COL11A1: variants seen among roughly 807,000 people sequenced by gnomAD.
COL11A1 encodes collagen alpha-1(XI) chain.
A neutral mutation model predicts 265.2 loss-of-function variants in COL11A1; 74 were observed. That is an observed-to-expected ratio of 0.28 (90% CI 0.23 to 0.34). COL11A1 has a LOEUF of 0.34. Among genes scored for constraint, COL11A1 ranks in the 10% least tolerant of loss-of-function variants. COL11A1 has a pLI of 1.00. For synonymous variants in COL11A1, 816 were observed against 727.6 expected (o/e 1.12, Z -1.96); for missense variants, 2,165 against 2,263.6 (o/e 0.96, Z 0.88).
chr1:102,879,924 T>C lies in COL11A1; in HGVS notation c.5041-8A>G, dbSNP rs559670725. 2.5e-6 allele frequency: 4 copies of C among 1,573,040 alleles called. No individual in the cohort carries two copies. The African/African-American group carries it at 5.4e-5, about 21-fold the overall frequency. On this transcript the variant is annotated splice_region_variant and splice_polypyrimidine_tract_variant and intron_variant, in intron 65 of 66. Transcript: ENST00000370096. Reference sequence around the variant, plus strand: ...AACATCTAAGTATGAAAGCTAGGAATAAAGGAATAAAAAGACACCTAATGA... The same window carrying C: ...AACATCTAAGTATGAAAGCTAGGAACAAAGGAATAAAAAGACACCTAATGA...
At chr1:102,993,021 A>C (rs2101773347) in intron 28 of COL11A1, among the ~76,000 whole-genome samples, 1 of 151,980 alleles carries the variant, frequency 6.6e-6, no homozygotes, top group East Asian at 1.9e-4. Flanking sequence ...GTCATTTATA[A>C]TTTTATTTGC....
At chr1:103,065,904 G>A (rs1306873004) in intron 4 of COL11A1, among the ~76,000 whole-genome samples, 3 of 151,958 alleles carry the variant, frequency 2.0e-5, no homozygotes, top group Non-Finnish European at 4.4e-5. Flanking sequence ...AATCTTAATA[G>A]CAGCTAAAGT....
chr1:102,877,682 A>T lies in COL11A1; in HGVS notation c.*337T>A. ...CACTGTTTTAGTACATCCTGGATGG[A>T]TGAGAATGAGCACCATATTTTTTAT... On this transcript the variant is annotated 3_prime_UTR_variant, in exon 67 of 67. Transcript: ENST00000370096. The T allele has an allele frequency of 3.7e-6, 1 of 271,208 alleles. No homozygotes were observed. Among genetic ancestry groups the T allele is most frequent in the Non-Finnish European group, 7.2e-6 (1 of 138,908 alleles). 16.8% of individuals were successfully genotyped at this position (271,208 alleles called of 1,614,324 possible).
intron 5 of COL11A1, among the ~76,000 whole-genome samples, chr1:103,027,827 G>T (rs1034943189): frequency 1.3e-5 from 2 of 152,070 alleles, no homozygotes; most frequent in African/African-American, 4.8e-5. Flanking sequence ...GATATATACA[G>T]ACCTGTACCA....
At chr1:103,028,798 A>G (rs1170930614) in intron 5 of COL11A1, among the ~76,000 whole-genome samples, 1 of 152,116 alleles carries the variant, frequency 6.6e-6, no homozygotes, top group East Asian at 1.9e-4. Flanking sequence ...TTGTTTTGTA[A>G]ATTCCTTTAT....
intron 7 of COL11A1, among the ~76,000 whole-genome samples, chr1:103,024,601 T>A (rs1273754985): frequency 6.6e-6 from 1 of 151,818 alleles, no homozygotes; most frequent in Non-Finnish European, 1.5e-5. Context: ...TAATCATAGC[T>A]CTGAACTAAA....
At position 102,934,569 on chromosome 1, in the gene COL11A1, A is replaced by G. The variant is rs1206807133; in HGVS notation, c.3493-13T>C. On this transcript the variant is annotated splice_polypyrimidine_tract_variant and intron_variant, in intron 45 of 66. Coordinates refer to ENST00000370096, the MANE Select transcript of COL11A1 (RefSeq NM_001854.4). Reference sequence around the variant, plus strand: ...CACCATCACCTCCCTAGAGAAGAGAAAGAAACATTATCACAAACTGGAAAA... The same window carrying G: ...CACCATCACCTCCCTAGAGAAGAGAGAGAAACATTATCACAAACTGGAAAA... 1 of 1,589,814 alleles carries G rather than the reference A, an allele frequency of 6.3e-7. No homozygotes were observed. Among genetic ancestry groups the G allele is most frequent in the South Asian group, 1.1e-5 (1 of 90,606 alleles).
At chr1:102,889,191 T>C (rs1038216252) in intron 59 of COL11A1, among the ~76,000 whole-genome samples, 4 of 152,164 alleles carry the variant, frequency 2.6e-5, no homozygotes, top group African/African-American at 9.6e-5. Flanking sequence ...CCTCAGAATA[T>C]GATTTACAGG....
At chr1:102,882,513 T>G (rs1650390577) in intron 64 of COL11A1, among the ~76,000 whole-genome samples, 1 of 152,140 alleles carries the variant, frequency 6.6e-6, no homozygotes, top group Non-Finnish European at 1.5e-5. Flanking sequence ...CCAAAACCAT[T>G]AGTCACACAT....
intron 15 of COL11A1, 98 bp downstream of exon 15, chr1:103,008,365 G>T: frequency 1.0e-6 from 1 of 982,010 alleles, no homozygotes. Flanking sequence ...ATACTACTCA[G>T]GAACAAAAAA....
chr1:103,071,751 G>A (rs1174002453), intron 4 of COL11A1, among the ~76,000 whole-genome samples: 1 of 150,912 alleles, frequency 6.6e-6, no homozygotes, highest in Non-Finnish European at 1.5e-5. Flanking sequence ...CATATCAAAA[G>A]TTGAAATGTC....
intron 37 of COL11A1, among the ~76,000 whole-genome samples, chr1:102,966,698 T>TACCTACAC (rs1445563222): frequency 1.3e-3 from 25 of 19,482 alleles, no homozygotes; most frequent in Admixed American, 6.7e-3. Flanking sequence ...TTGTCAGATT[T>TACCTACAC]ACATACACAC....
chr1:102,930,627 C>G (rs988663024), intron 46 of COL11A1, among the ~76,000 whole-genome samples: 13 of 152,094 alleles, frequency 8.5e-5, no homozygotes, highest in Non-Finnish European at 1.3e-4. Flanking sequence ...AGGGAGGATT[C>G]CCTCTTTTTC....
intron 48 of COL11A1, 114 bp from the exon 49 acceptor site, chr1:102,920,478 T>G: frequency 1.1e-6 from 1 of 880,384 alleles, no homozygotes; most frequent in Non-Finnish European, 1.9e-6. Context: ...GTATTCTTAG[T>G]CATTTAAAGA....
chr1:103,001,968 C>A lies in COL11A1; in HGVS notation c.2099G>T (p.Gly700Val), dbSNP rs776884377. The change falls in exon 24 of 67, where the codon GGT (glycine) becomes GTT (valine). Residue 700 changes from glycine (G) to valine (V), a missense_variant and splice_region_variant. Gly to Val is a moderately radical substitution (Grantham distance 109). Coordinates refer to ENST00000370096, the MANE Select transcript of COL11A1 (RefSeq NM_001854.4). ...PGQQGNPGPQGLPGPQGPIGP... is the reference protein window; with the variant it reads ...PGQQGNPGPQVLPGPQGPIGP... ...AATTGGACCTTGTGGACCAGGAAGACCCTATTTTAAAAGAATTTATTTCAT... is the reference window on the plus strand; with the variant it reads ...AATTGGACCTTGTGGACCAGGAAGAACCTATTTTAAAAGAATTTATTTCAT... 6.2e-7 allele frequency: 1 copy of A among 1,612,426 alleles called. No homozygotes were observed. Among genetic ancestry groups the A allele is most frequent in the Non-Finnish European group, 8.5e-7 (1 of 1,178,648 alleles).
chr1:102,937,038 A>G lies in COL11A1; in HGVS notation c.3439-1925T>C, dbSNP rs551352969. 4.6e-5 allele frequency among the ~76,000 whole-genome samples: 7 copies of G among 152,282 alleles called. No homozygotes were observed. In the South Asian group the frequency reaches 1.2e-3, roughly 27 times the overall value. ...TAAGCTAGACAAAACAAATGTAACA[A>G]TGGTACTCTTGGGACTATATATTTT... On this transcript the variant is annotated intron_variant, in intron 44 of 66. Transcript: ENST00000370096.
chr1:102,896,794 G>A (rs145429562), intron 57 of COL11A1, among the ~76,000 whole-genome samples: 189 of 152,234 alleles, frequency 1.2e-3, no homozygotes, highest in African/African-American at 4.3e-3. Flanking sequence ...TCTGCAGAAA[G>A]GTCAAAATAT....
intron 4 of COL11A1, among the ~76,000 whole-genome samples, chr1:103,068,565 T>C (rs896363417): frequency 1.3e-5 from 2 of 151,532 alleles, no homozygotes; most frequent in Non-Finnish European, 3.0e-5. Context: ...TTACACAAGA[T>C]ATATTCAATA....
chr1:102,890,535 C>T (rs1386501695), intron 57 of COL11A1, 31 bp from the exon 58 acceptor site: 1 of 1,569,570 alleles, frequency 6.4e-7, no homozygotes, highest in Admixed American at 1.9e-5. Flanking sequence ...AACCCCAAAA[C>T]AAAAACAGAG....
Sources: gnomAD v4.1 joint callset for allele counts (sites outside exome capture counted in the v4.1 genomes callset) on GRCh38, gnomAD v4.1.1 for gene constraint, MANE v1.5 for transcripts, NCBI Gene and HGNC (gene_info 2026-07-23, HGNC 2026-07-21) for gene names.